Variants in SCAF8 observed in about 807,000 individuals in gnomAD.
SCAF8 encodes the protein SR-related CTD associated factor 8.
Under a neutral mutation model 140.5 loss-of-function variants are expected in SCAF8, and 23 were observed. The observed-to-expected ratio is 0.16, with a 90% CI of 0.12 to 0.23. The LOEUF (loss-of-function observed/expected upper bound fraction) is 0.23. SCAF8 is among the 10% of genes least tolerant of loss of function. The probability of loss-of-function intolerance (pLI) is 1.00; values close to 1 mark genes in which losing one functional copy is unlikely to be tolerated. For synonymous variants in SCAF8, 575 were observed against 528.9 expected, an observed-to-expected ratio of 1.09 and a Z score of -1.20; for missense variants, 1,397 against 1,555.7, an observed-to-expected ratio of 0.90 and a Z score of 1.72.
At chr6:154,815,021 G>T (rs1286328491) in intron 12 of SCAF8, among the ~76,000 whole-genome samples, 1 of 152,188 alleles carries the variant, frequency 6.6e-6, no homozygotes, top group African/African-American at 2.4e-5. Flanking sequence ...TCACAGGCCG[G>T]GTGCGGTGGC....
At chr6:154,787,825 G>A (rs367561716) in intron 3 of SCAF8, 36 bp from the exon 4 acceptor site, 39 of 1,560,158 alleles carry the variant, frequency 2.5e-5, no homozygotes, top group Middle Eastern at 1.7e-4. Flanking sequence ...TTACCTTTCC[G>A]TTTCCTTTCC....
intron 1 of SCAF8, among the ~76,000 whole-genome samples, chr6:154,749,409 GTTAC>G (rs1385331228): frequency 2.6e-5 from 4 of 152,096 alleles, no homozygotes; most frequent in Middle Eastern, 3.2e-3. Context: ...TTTGAGCTTT[GTTAC>G]TTGCTTGCCA....
At chr6:154,754,110 T>TA (rs1156974625) in intron 1 of SCAF8, among the ~76,000 whole-genome samples, 1 of 152,152 alleles carries the variant, frequency 6.6e-6, no homozygotes, top group Non-Finnish European at 1.5e-5. Flanking sequence ...TTAAATCACT[T>TA]AGAGAAAGGG....
chr6:154,741,936 T>C lies in SCAF8; in HGVS notation c.30+8006T>C, dbSNP rs887856473. The C allele has an allele frequency of 6.6e-6, 10 of 1,517,040 alleles. No homozygotes were observed. In the African/African-American group the frequency reaches 1.2e-4, roughly 19 times the overall value. 94.0% of individuals were successfully genotyped at this position (1,517,040 alleles called of 1,614,324 possible). Reference sequence around the variant, plus strand: ...TCTGGTTTTGTGTTCTCAACATCTTTCTCTACTCCTCTCTCTCAGGATTGT... The same window carrying C: ...TCTGGTTTTGTGTTCTCAACATCTTCCTCTACTCCTCTCTCTCAGGATTGT... On this transcript the variant is annotated intron_variant, in intron 1 of 19. Transcript: ENST00000367178.
intron 1 of SCAF8, among the ~76,000 whole-genome samples, chr6:154,765,747 A>G (rs536303341): frequency 2.0e-5 from 3 of 152,342 alleles, no homozygotes; most frequent in African/African-American, 7.2e-5. Context: ...GGAAATTTTT[A>G]TCAACCTTCT....
intron 5 of SCAF8, among the ~76,000 whole-genome samples, chr6:154,794,394 G>A (rs1446205660): frequency 6.6e-6 from 1 of 152,042 alleles, no homozygotes; most frequent in African/African-American, 2.4e-5. Flanking sequence ...CACATCCACA[G>A]TTTTGCTTTC....
chr6:154,815,520 G>C lies in SCAF8; in HGVS notation c.1421-196G>C, dbSNP rs576189695. ...CAGGTGACATGTAAGTGGTTGACTT[G>C]GCAGAGATGTGAATTAATACTTGTG... On this transcript the variant is annotated intron_variant, in intron 12 of 19. Coordinates refer to ENST00000367178, the MANE Select transcript of SCAF8 (RefSeq NM_014892.5). Among the ~76,000 whole-genome samples, 59 of 152,260 alleles carry C rather than the reference G, an allele frequency of 3.9e-4. 1 individual carries two copies. The South Asian group carries it at 5.2e-3, about 13-fold the overall frequency.
chr6:154,735,038 C>T lies in SCAF8; in HGVS notation c.30+1108C>T, dbSNP rs182751383. ...ACTTAGGAGGCTGAGGCAGGAGAAT[C>T]GCTTGAACCTGGGAAGCGGAGGTTG... On this transcript the variant is annotated intron_variant, in intron 1 of 19. Transcript: ENST00000367178. 2.0e-3 allele frequency among the ~76,000 whole-genome samples: 299 copies of T among 151,654 alleles called. 1 individual carries two copies. The highest frequency in any genetic ancestry group is 6.8e-3 in the African/African-American group (279 of 41,312).
intron 5 of SCAF8, among the ~76,000 whole-genome samples, chr6:154,794,760 G>C (rs1378053759): frequency 2.4e-5 from 1 of 42,434 alleles, no homozygotes; most frequent in African/African-American, 1.6e-4. Context: ...TCCTTTTGGT[G>C]GGGGGGGGGG....
chr6:154,758,533 T>C (rs1441653414), intron 1 of SCAF8, among the ~76,000 whole-genome samples: 2 of 152,222 alleles, frequency 1.3e-5, no homozygotes, highest in Non-Finnish European at 2.9e-5. Flanking sequence ...GCCCAGGACG[T>C]AGTTCATGCA....
In SCAF8 at chr6:154,832,365, G is replaced by C; in HGVS notation, c.2786G>C (p.Gly929Ala). The change falls in exon 20 of 20, where the codon GGA (glycine) becomes GCA (alanine). Residue 929 changes from glycine (G) to alanine (A), a missense_variant. Transcript: ENST00000367178. ...ATGCCAATGTTAGACATTCGTCCGG[G>C]ACTAATACCACAGGCACCTGGGCCA... ...PTMPMLDIRP[G>A]LIPQAPGPRF... The C allele has an allele frequency of 6.2e-7, 1 of 1,613,882 alleles. No individual in the cohort carries two copies. The highest frequency in any genetic ancestry group is 1.1e-5 in the South Asian group (1 of 91,062).
chr6:154,759,194 G>A (rs189778116), intron 1 of SCAF8, among the ~76,000 whole-genome samples: 78 of 152,300 alleles, frequency 5.1e-4, no homozygotes, highest in Non-Finnish European at 9.0e-4. Flanking sequence ...CGAAAGCAAG[G>A]CCTCGTAGTT....
rs1778337932 is a variant in SCAF8, at chr6:154,819,078, TGA to T, written c.1635+490_1635+491del. Reference sequence around the variant, plus strand: ...TTTATTTTCTTCCTAATCTTTATACTGAGAGTTTTTTTAATATCTTTCCATTA... The same window carrying T: ...TTTATTTTCTTCCTAATCTTTATACTGAGTTTTTTTAATATCTTTCCATTA... On this transcript the variant is annotated intron_variant, in intron 14 of 19. Transcript: ENST00000367178. 4.4e-5 allele frequency among the ~76,000 whole-genome samples: 5 copies of T among 112,462 alleles called. No individual in the cohort carries two copies. In the South Asian group the frequency reaches 1.7e-3, roughly 38 times the overall value. The allele number at this position is 112,462 out of a possible 152,430, so 73.8% of individuals were successfully genotyped here.
chr6:154,799,042 G>A lies in SCAF8; in HGVS notation c.607-2929G>A, dbSNP rs1207383138. Among the ~76,000 whole-genome samples the A allele has an allele frequency of 2.7e-5, 4 of 150,738 alleles. No individual in the cohort carries two copies. The East Asian group carries it at 7.8e-4, about 29-fold the overall frequency. ...CTGTCACCCAGGCTGGAGTGAAATG[G>A]CGCTGTCTCGGCTCACTGCACCCTC... On this transcript the variant is annotated intron_variant, in intron 6 of 19. Transcript: ENST00000367178.
At chr6:154,815,555 GT>G (rs1778225960) in intron 12 of SCAF8, among the ~76,000 whole-genome samples, 160 bp from the exon 13 acceptor site, 1 of 152,082 alleles carries the variant, frequency 6.6e-6, no homozygotes, top group African/African-American at 2.4e-5. Context: ...GATTTTAGTT[GT>G]TTTTAAACAT....
intron 2 of SCAF8, among the ~76,000 whole-genome samples, chr6:154,775,892 T>C (rs1776903131): frequency 6.6e-6 from 1 of 152,190 alleles, no homozygotes; most frequent in African/African-American, 2.4e-5. Context: ...GCAGGACATA[T>C]TCTTCCCTTA....
intron 13 of SCAF8, among the ~76,000 whole-genome samples, chr6:154,817,680 G>C (rs977429409): frequency 6.6e-6 from 1 of 152,154 alleles, no homozygotes; most frequent in Non-Finnish European, 1.5e-5. Context: ...TGAAGTGTTA[G>C]CAAGGCTGAG....
intron 15 of SCAF8, among the ~76,000 whole-genome samples, chr6:154,822,003 T>A (rs1778433994): frequency 6.6e-6 from 1 of 152,224 alleles, no homozygotes; most frequent in South Asian, 2.1e-4. Context: ...GCCATTGAGA[T>A]ACATATCTAT....
At chr6:154,814,311 T>C (rs1778184164) in intron 12 of SCAF8, among the ~76,000 whole-genome samples, 1 of 152,206 alleles carries the variant, frequency 6.6e-6, no homozygotes. Flanking sequence ...GAGTGAGACC[T>C]GTCTCAGAAA....
Sources: gnomAD v4.1 joint callset for allele counts (sites outside exome capture counted in the v4.1 genomes callset) on GRCh38, gnomAD v4.1.1 for gene constraint, MANE v1.5 for transcripts, NCBI Gene and HGNC (gene_info 2026-07-23, HGNC 2026-07-21) for gene names.